The following SULT2A1 variants were observed in gnomAD, a reference collection of about 807,000 sequenced individuals.
SULT2A1 encodes sulfotransferase 2A1.
A neutral mutation model predicts 33.9 loss-of-function variants in SULT2A1; 43 were observed. The observed-to-expected ratio is 1.27, with a 90% CI of 1.00 to 1.64. The LOEUF (loss-of-function observed/expected upper bound fraction) is 1.64, where lower values mean the gene tolerates loss of function less well. Ranked by LOEUF, SULT2A1 falls within the 40% of genes most tolerant of loss-of-function variation. The pLI, the probability that SULT2A1 is intolerant of heterozygous loss-of-function variation, is 0.00. For missense variants in SULT2A1, 300 were observed against 335.1 expected (o/e 0.90, Z 0.82); for synonymous variants, 125 against 113.6 (o/e 1.10, Z -0.64).
intron 3 of SULT2A1, 91 bp downstream of exon 3, chr19:47,881,993 T>G (rs1456657700): frequency 2.6e-6 from 4 of 1,550,200 alleles, no homozygotes; most frequent in Non-Finnish European, 3.5e-6. Context: ...TTTCAACCCA[T>G]GGGTTGGTGA....
intron 1 of SULT2A1, among the ~76,000 whole-genome samples, chr19:47,885,831 G>A (rs1215147187): frequency 6.6e-6 from 1 of 152,078 alleles, no homozygotes; most frequent in Admixed American, 6.6e-5. Context: ...GGACATCATT[G>A]GTCATCCTCA....
chr19:47,871,514 CAA>C lies in SULT2A1; in HGVS notation c.797_798del (p.Phe266Ter). ...GCCATCTTCTCTTGGAACAATTTAT[CAA>C]AGTCTTCAGCTTGGGCCACTGTGAA... ...NHFTVAQAED[F>X]DKLFQEKMAD... On this transcript the variant is annotated frameshift_variant, in exon 6 of 6. Coordinates refer to ENST00000222002, the MANE Select transcript of SULT2A1 (RefSeq NM_003167.4). LOFTEE classifies it low-confidence loss of function (END_TRUNC). 1 of 1,614,082 alleles carries C rather than the reference CAA, an allele frequency of 6.2e-7. No homozygotes were observed. Among genetic ancestry groups the C allele is most frequent in the Middle Eastern group, 1.6e-4 (1 of 6,062 alleles).
At chr19:47,877,825 C>T (rs1968561957) in intron 4 of SULT2A1, among the ~76,000 whole-genome samples, 2 of 152,224 alleles carry the variant, frequency 1.3e-5, no homozygotes, top group Non-Finnish European at 2.9e-5. Flanking sequence ...GCTGGGATTA[C>T]AGGCGTGAGC....
chr19:47,876,693 C>T (rs747154561), intron 4 of SULT2A1, among the ~76,000 whole-genome samples: 23 of 147,388 alleles, frequency 1.6e-4, no homozygotes, highest in Non-Finnish European at 2.5e-4. Context: ...TCACTTGAAC[C>T]GGAGAGGTGG....
Position 47,870,590 on chromosome 19 carries a change from A to G in SULT2A1, c.*865T>C, listed in dbSNP as rs1968480059. On this transcript the variant is annotated 3_prime_UTR_variant, in exon 6 of 6. Transcript: ENST00000222002. ...TTGTGGAGATACATGTGATGAAAAGAAATGGAACCTTAATTGCTCCTGTAA... is the reference window on the plus strand; with the variant it reads ...TTGTGGAGATACATGTGATGAAAAGGAATGGAACCTTAATTGCTCCTGTAA... 6.8e-6 allele frequency: 1 copy of G among 148,120 alleles called. No homozygotes were observed. The highest frequency in any genetic ancestry group is 6.7e-5 in the Admixed American group (1 of 14,824). 9.2% of individuals were successfully genotyped at this position (148,120 alleles called of 1,614,324 possible).
chr19:47,884,037 G>A (rs932056904), intron 1 of SULT2A1, among the ~76,000 whole-genome samples: 2 of 150,952 alleles, frequency 1.3e-5, no homozygotes, highest in African/African-American at 4.9e-5. Context: ...CCTGGGAGGC[G>A]GAGGTTGCGG....
In SULT2A1 at chr19:47,871,515, A is replaced by G; in HGVS notation, c.798T>C (p.Phe266=). The G allele has an allele frequency of 5.0e-6, 8 of 1,614,006 alleles. No homozygotes were observed. Among genetic ancestry groups the G allele is most frequent in the Non-Finnish European group, 6.8e-6 (8 of 1,180,020 alleles). Residue 266 remains phenylalanine, a synonymous_variant, in exon 6 of 6, where the codon TTT becomes TTC. Coordinates refer to ENST00000222002, the MANE Select transcript of SULT2A1 (RefSeq NM_003167.4). ...NHFTVAQAED[F]DKLFQEKMAD... ...CCATCTTCTCTTGGAACAATTTATC[A>G]AAGTCTTCAGCTTGGGCCACTGTGA...
intron 1 of SULT2A1, among the ~76,000 whole-genome samples, chr19:47,885,874 A>G (rs1968651288): frequency 3.3e-5 from 5 of 152,002 alleles, no homozygotes; most frequent in Admixed American, 3.3e-4. Flanking sequence ...CCAAACAAAC[A>G]CCTGAATTTG....
chr19:47,871,390 G>T lies in SULT2A1; in HGVS notation c.*65C>A. 1 of 1,190,244 alleles carries T rather than the reference G, an allele frequency of 8.4e-7. No homozygotes were observed. Among genetic ancestry groups the T allele is most frequent in the Non-Finnish European group, 1.3e-6 (1 of 795,872 alleles). 73.7% of individuals were successfully genotyped at this position (1,190,244 alleles called of 1,614,324 possible). On this transcript the variant is annotated 3_prime_UTR_variant, in exon 6 of 6. Transcript: ENST00000222002. ...AAGTCTTACACAATGACCCCAGTCAGGTACATGTACAAGGACAGGAGAATC... is the reference window on the plus strand; with the variant it reads ...AAGTCTTACACAATGACCCCAGTCATGTACATGTACAAGGACAGGAGAATC...
chr19:47,875,373 C>T (rs1968534155), intron 4 of SULT2A1, among the ~76,000 whole-genome samples: 2 of 151,908 alleles, frequency 1.3e-5, no homozygotes, highest in African/African-American at 4.8e-5. Context: ...CGCCGTGGCT[C>T]CTGCCTGTAA....
intron 3 of SULT2A1, among the ~76,000 whole-genome samples, chr19:47,881,500 A>C (rs964399932): frequency 1.3e-5 from 2 of 152,094 alleles, no homozygotes; most frequent in Non-Finnish European, 2.9e-5. Flanking sequence ...GAGTGTACTG[A>C]ATTAGAGGCA....
chr19:47,875,323 G>A (rs62531051), intron 4 of SULT2A1, among the ~76,000 whole-genome samples: 18 of 151,878 alleles, frequency 1.2e-4, no homozygotes, highest in Non-Finnish European at 2.6e-4. Flanking sequence ...GTAAAGAAGA[G>A]AGGGCATGAA....
chr19:47,874,891 G>C (rs1968528544), intron 4 of SULT2A1, 57 bp from the exon 5 acceptor site: 6 of 1,505,824 alleles, frequency 4.0e-6, no homozygotes, highest in Non-Finnish European at 5.5e-6. Flanking sequence ...GCTGGGCGTG[G>C]TGGTTCACGC....
At chr19:47,882,034 G>A in intron 3 of SULT2A1, 50 bp downstream of exon 3, 1 of 1,601,780 alleles carries the variant, frequency 6.2e-7, no homozygotes, top group Non-Finnish European at 8.5e-7. Context: ...GGTGTCAAAA[G>A]AGGTCGGCTA....
rs768105841 is a variant in SULT2A1, at chr19:47,871,450, G to A, written c.*5C>T. The A allele has an allele frequency of 3.7e-6, 6 of 1,601,624 alleles. No individual in the cohort carries two copies. In the East Asian group the frequency reaches 1.3e-4, roughly 36 times the overall value. On this transcript the variant is annotated 3_prime_UTR_variant, in exon 6 of 6. Transcript: ENST00000222002. Reference sequence around the variant, plus strand: ...CTCCATATAAGATCCAGAGTGTTTTGGACGTTATTCCCATGGGAACAGCTC... The same window carrying A: ...CTCCATATAAGATCCAGAGTGTTTTAGACGTTATTCCCATGGGAACAGCTC...
chr19:47,878,709 GT>G (rs1968572484), intron 4 of SULT2A1, among the ~76,000 whole-genome samples: 1 of 151,042 alleles, frequency 6.6e-6, no homozygotes, highest in Admixed American at 6.6e-5. Flanking sequence ...TAGAGATGGG[GT>G]TTTATCATCT....
At chr19:47,874,475 C>T (rs182044106) in intron 5 of SULT2A1, among the ~76,000 whole-genome samples, 182 bp downstream of exon 5, 15 of 141,872 alleles carry the variant, frequency 1.1e-4, no homozygotes, top group Admixed American at 7.6e-5. Context: ...TGGAGGCGGA[C>T]GTTGCAGTGA....
At chr19:47,879,004 GT>G in intron 4 of SULT2A1, 31 bp downstream of exon 4, 1 of 1,291,638 alleles carries the variant, frequency 7.7e-7, no homozygotes, top group South Asian at 1.2e-5. Flanking sequence ...TGGTGAGAGG[GT>G]GTGCACTGAC....
At chr19:47,881,555 A>G (rs1968604091) in intron 3 of SULT2A1, among the ~76,000 whole-genome samples, 1 of 152,176 alleles carries the variant, frequency 6.6e-6, no homozygotes. Context: ...GGTGTATTGC[A>G]GAGAGACACA....
Sources: allele counts gnomAD v4.1 joint callset (sites outside exome capture counted in the v4.1 genomes callset), GRCh38; gene constraint gnomAD v4.1.1; transcripts MANE v1.5; gene names NCBI Gene and HGNC (gene_info 2026-07-23, HGNC 2026-07-21).